The following CACNA1H variants were observed in gnomAD, a reference collection of about 807,000 sequenced individuals.
CACNA1H encodes the protein calcium voltage-gated channel subunit alpha1 H.
A neutral mutation model predicts 192.5 loss-of-function variants in CACNA1H; 149 were observed. The ratio of observed to expected loss-of-function variants is 0.77; its 90% confidence interval spans 0.68 to 0.89. CACNA1H has a LOEUF of 0.89. Ranked by LOEUF, CACNA1H falls within the 40% of genes least tolerant of loss-of-function variation. The pLI, the probability that CACNA1H is intolerant of heterozygous loss-of-function variation, is 0.00. For missense variants in CACNA1H, 4,257 were observed against 3,423.5 expected (o/e 1.24, Z -6.08); for synonymous variants, 2,202 against 1,475.2 (o/e 1.49, Z -11.29).
chr16:1,215,628 C>T (rs781318344), intron 30 of CACNA1H, 35 bp downstream of exon 30: 6 of 1,581,080 alleles, frequency 3.8e-6, no homozygotes, highest in Non-Finnish European at 4.3e-6. Flanking sequence ...AGCGCAGGCC[C>T]CCGGAAGACG....
At chr16:1,160,604 C>T (rs1304252382) in intron 2 of CACNA1H, among the ~76,000 whole-genome samples, 1 of 152,186 alleles carries the variant, frequency 6.6e-6, no homozygotes, top group Middle Eastern at 3.2e-3. Flanking sequence ...CGCCACGTGG[C>T]CGCTGGTGTC....
rs1467096830 is a variant in CACNA1H at position 1,167,971 on chromosome 16, G to A, written c.299+13935G>A. Among the ~76,000 whole-genome samples the A allele has an allele frequency of 1.3e-5, 2 of 152,176 alleles. No homozygotes were observed. The highest frequency in any genetic ancestry group is 1.5e-5 in the Non-Finnish European group (1 of 68,014). ...CTGTTCCCCGGGGCTGCCTGGAGGCGGCCGCTTGTCCCCAAGGCCTGGTGA... is the reference window on the plus strand; with the variant it reads ...CTGTTCCCCGGGGCTGCCTGGAGGCAGCCGCTTGTCCCCAAGGCCTGGTGA... On this transcript the variant is annotated intron_variant, in intron 2 of 34. Coordinates refer to ENST00000348261, the MANE Select transcript of CACNA1H (RefSeq NM_021098.3). The surrounding 1 kb of genome is among the most constrained non-coding windows in gnomAD (Gnocchi z 4.2).
chr16:1,190,608 C>T (rs369802412), intron 2 of CACNA1H, among the ~76,000 whole-genome samples: 27 of 152,352 alleles, frequency 1.8e-4, no homozygotes, highest in East Asian at 1.7e-3. Context: ...GCGCGCAATA[C>T]GCCTGCCTGT....
In CACNA1H at chr16:1,220,981, A is replaced by T. The variant is rs1418372954; in HGVS notation, c.7049A>T (p.Asp2350Val). ...ACCCCTGCCCCAGGGGGTGGTGCAG[A>T]TGACCCCGTGTAGCTCGGGGCTTGG... ...SATPAPGGGA[D>V]DPV The change falls in exon 35 of 35, where the codon GAT becomes GTT. Residue 2350 changes from aspartate (D) to valine (V), a missense_variant. Physicochemically the swap from Asp to Val is radical, Grantham distance 152. Coordinates refer to ENST00000348261, the MANE Select transcript of CACNA1H (RefSeq NM_021098.3). 5 of 1,592,030 alleles carry T rather than the reference A, an allele frequency of 3.1e-6. No individual in the cohort carries two copies. The African/African-American group carries it at 5.4e-5, about 17-fold the overall frequency.
intron 2 of CACNA1H, among the ~76,000 whole-genome samples, chr16:1,177,503 C>G (rs1965008772): frequency 6.6e-6 from 1 of 152,172 alleles, no homozygotes; most frequent in Non-Finnish European, 1.5e-5. Context: ...GGGCTGAATT[C>G]TGACCGGGGC....
chr16:1,164,159 C>G (rs1004449947), intron 2 of CACNA1H, among the ~76,000 whole-genome samples: 10 of 152,158 alleles, frequency 6.6e-5, no homozygotes, highest in African/African-American at 1.9e-4. Context: ...ACACAGAAAA[C>G]CCAGGATGCC....
intron 2 of CACNA1H, among the ~76,000 whole-genome samples, chr16:1,190,983 G>A (rs1398995946): frequency 9.1e-6 from 1 of 109,988 alleles, no homozygotes; most frequent in Non-Finnish European, 1.8e-5. Flanking sequence ...TCGGGGTTTC[G>A]GTGACCCAGC....
chr16:1,208,291 C>T (rs1968996745), intron 16 of CACNA1H, 70 bp downstream of exon 16: 9 of 1,119,048 alleles, frequency 8.0e-6, no homozygotes, highest in Admixed American at 4.2e-5. Flanking sequence ...TTATGGCCTT[C>T]CCTGAAGATG....
Position 1,209,269 on chromosome 16 carries a change from C to T in CACNA1H, c.3601C>T (p.Pro1201Ser), listed in dbSNP as rs1185269498. ...ACTGCGGCGGGCCGAGTCCCTGGAC[C>T]CACGGCCCCTGCGGCCGGCCGCCCT... Reference protein sequence around the residue: ...TPLRRAESLDPRPLRPAALPP... With the variant: ...TPLRRAESLDSRPLRPAALPP... The change falls in exon 17 of 35, where the codon CCA becomes TCA. Residue 1201 changes from proline to serine, a missense_variant. Pro to Ser is a moderately conservative substitution (Grantham distance 74). Transcript: ENST00000348261. 85 of 1,552,932 alleles carry T rather than the reference C, an allele frequency of 5.5e-5. No individual in the cohort carries two copies. The highest frequency in any genetic ancestry group is 7.4e-5 in the Non-Finnish European group (85 of 1,153,562).
chr16:1,159,295 C>T (rs969400429), intron 2 of CACNA1H, among the ~76,000 whole-genome samples: 1 of 152,150 alleles, frequency 6.6e-6, no homozygotes, highest in Non-Finnish European at 1.5e-5. Context: ...AGTCCATGAG[C>T]CCGGTGGGCA....
In CACNA1H at chr16:1,154,441, C is replaced by T. The variant is rs140224450; in HGVS notation, c.299+405C>T. On this transcript the variant is annotated intron_variant, in intron 2 of 34. Coordinates refer to ENST00000348261, the MANE Select transcript of CACNA1H (RefSeq NM_021098.3). ...CTGAAGGTCCTGCCCGAGGCAGGCC[C>T]CTCGCGGGGGAGGGGGAGGCCAGAG... 9.7e-3 allele frequency among the ~76,000 whole-genome samples: 1,471 copies of T among 152,252 alleles called. 6 individuals are homozygous for T. Among genetic ancestry groups the T allele is most frequent in the Admixed American group, 0.019 (284 of 15,304 alleles).
chr16:1,207,670 T>C (rs1312532134), intron 14 of CACNA1H, 100 bp from the exon 15 acceptor site: 49 of 1,135,344 alleles, frequency 4.3e-5, no homozygotes, highest in Non-Finnish European at 5.8e-5. Flanking sequence ...GGCCCTTCTG[T>C]CCACACCCCA....
In CACNA1H at chr16:1,220,767, G is replaced by T; in HGVS notation, c.6835G>T (p.Asp2279Tyr). 1 of 1,612,604 alleles carries T rather than the reference G, an allele frequency of 6.2e-7. No individual in the cohort carries two copies. Among genetic ancestry groups the T allele is most frequent in the Non-Finnish European group, 8.5e-7 (1 of 1,179,768 alleles). The change falls in exon 35 of 35, where the codon GAC becomes TAC. Residue 2279 changes from aspartate (D) to tyrosine (Y), a missense_variant. Transcript: ENST00000348261. ...GCTGGACCTCGGGGTCCCCAGTGGAGACCCTTTCTTGGACGGTAGCCACAG... is the reference window on the plus strand; with the variant it reads ...GCTGGACCTCGGGGTCCCCAGTGGATACCCTTTCTTGGACGGTAGCCACAG... ...EPLDLGVPSG[D>Y]PFLDGSHSVT... is the part of the protein sequence containing the mutation.
chr16:1,204,279 A>G lies in CACNA1H; in HGVS notation c.2272A>G (p.Ser758Gly), dbSNP rs559573879. Residue 758 changes from serine (S) to glycine (G), a missense_variant, in exon 10 of 35, where the codon AGC becomes GGC. Transcript: ENST00000348261. ...GGACACACCAGGCCCAGGCCCAGGC[A>G]GCCCCCAGCGGCGGGCACAGCAGAG... The part of the protein sequence containing the change: ...ATDTPGPGPG[S>G]PQRRAQQRAA... 6.8e-6 allele frequency: 11 copies of G among 1,608,274 alleles called. No homozygotes were observed. The African/African-American group carries it at 1.5e-4, about 21-fold the overall frequency.
rs142115247 is a variant in CACNA1H at position 1,179,497 on chromosome 16, C to T, written c.300-15475C>T. On this transcript the variant is annotated intron_variant, in intron 2 of 34. Transcript: ENST00000348261. ...GTCGTTGTTGTTGCTGGTGTGATCT[C>T]GGCTCACCCCAATCTCCGCCTCCCG... Among the ~76,000 whole-genome samples the T allele has an allele frequency of 1.9e-3, 291 of 151,888 alleles. 1 individual carries two copies. The highest frequency in any genetic ancestry group is 2.8e-3 in the Non-Finnish European group (192 of 67,906).
chr16:1,211,726 C>A lies in CACNA1H; in HGVS notation c.4487C>A (p.Ser1496Ter), dbSNP rs536269517. The A allele has an allele frequency of 6.2e-7, 1 of 1,612,606 alleles. No individual in the cohort carries two copies. Among genetic ancestry groups the A allele is most frequent in the South Asian group, 1.1e-5 (1 of 91,078 alleles). The change falls in exon 24 of 35, where the codon TCG becomes TAG. Residue 1496 changes from serine (S) to a stop codon, truncating the protein, a stop_gained. Coordinates refer to ENST00000348261, the MANE Select transcript of CACNA1H (RefSeq NM_021098.3). LOFTEE classifies it high-confidence loss of function. ...NFDNLGQALM[S>*]LFVLSSKDGW... ...GGCTCTGGCCCTCAGGCCCTGATGT[C>A]GCTGTTCGTGCTGTCATCCAAGGAT...
intron 6 of CACNA1H, 101 bp downstream of exon 6, chr16:1,198,875 C>T (rs1967333503): frequency 2.5e-6 from 3 of 1,188,378 alleles, no homozygotes; most frequent in African/African-American, 3.0e-5. Flanking sequence ...GCTCTGCCCA[C>T]CGTGCAGTCA....
intron 2 of CACNA1H, among the ~76,000 whole-genome samples, chr16:1,191,044 C>A (rs1468723454): frequency 7.4e-6 from 1 of 134,750 alleles, no homozygotes; most frequent in Non-Finnish European, 1.6e-5. Flanking sequence ...TCTGACCCAG[C>A]AGGCTGGCCT....
chr16:1,201,566 C>T (rs1211651031), intron 8 of CACNA1H, 97 bp from the exon 9 acceptor site: 18 of 1,401,510 alleles, frequency 1.3e-5, no homozygotes, highest in African/African-American at 5.7e-5. Context: ...GTGCCTGTGA[C>T]GCGGCCCCCA....
Sources: allele counts gnomAD v4.1 joint callset (sites outside exome capture counted in the v4.1 genomes callset), GRCh38; gene constraint gnomAD v4.1.1; non-coding constraint Gnocchi (gnomAD v3.1); transcripts MANE v1.5; gene names NCBI Gene and HGNC (gene_info 2026-07-23, HGNC 2026-07-21).